The following NACC2 variants were observed in gnomAD, a reference collection of about 807,000 sequenced individuals.
NACC2 encodes nucleus accumbens-associated protein 2.
Under a neutral mutation model 25.1 loss-of-function variants are expected in NACC2, and 8 were observed. The ratio of observed to expected loss-of-function variants is 0.32; its 90% CI spans 0.19 to 0.57. NACC2 has a LOEUF of 0.57. Among genes scored for constraint, NACC2 ranks in the 20% least tolerant of loss-of-function variants. The probability of loss-of-function intolerance (pLI) is 0.89; values close to 1 mark genes in which losing one functional copy is unlikely to be tolerated. For missense variants in NACC2, 644 were observed against 650.2 expected (o/e 0.99, Z 0.10); for synonymous variants, 435 against 294.7 (o/e 1.48, Z -4.88).
chr9:136,028,454 G>A (rs1840428736), intron 2 of NACC2, among the ~76,000 whole-genome samples: 1 of 146,098 alleles, frequency 6.8e-6, no homozygotes, highest in African/African-American at 2.6e-5. Context: ...TCAGCTCACT[G>A]CAACTCTGCC....
chr9:136,015,391 C>T (rs538544890), intron 3 of NACC2, among the ~76,000 whole-genome samples: 3 of 152,344 alleles, frequency 2.0e-5, no homozygotes, highest in South Asian at 2.1e-4. Context: ...GCCCCTACCC[C>T]TCCTGGCCAG....
intron 1 of NACC2, among the ~76,000 whole-genome samples, chr9:136,053,143 GCCTGGTGGGAGGCAAGGCGACACAGC>G: frequency 6.6e-6 from 1 of 152,346 alleles, no homozygotes; most frequent in South Asian, 2.1e-4. Context: ...GCCCGAACAG[GCCTGGTGGGAGGCAAGGCGACACAGC>G]CCTGCCCCTC....
intron 2 of NACC2, among the ~76,000 whole-genome samples, chr9:136,042,048 G>A (rs1018362012): frequency 1.2e-4 from 19 of 152,248 alleles, no homozygotes; most frequent in African/African-American, 4.3e-4. Context: ...AGGCTGGAGT[G>A]CACGATCTTG....
chr9:136,064,167 T>C (rs1841052207), intron 1 of NACC2, among the ~76,000 whole-genome samples: 1 of 149,408 alleles, frequency 6.7e-6, no homozygotes, highest in African/African-American at 2.4e-5. Context: ...TGTGTACCTG[T>C]GGTCCCAGCT....
chr9:136,016,329 T>A lies in NACC2; in HGVS notation c.987A>T (p.Gly329=), dbSNP rs1219460662. The change falls in exon 3 of 6, where the codon GGA becomes GGT. Residue 329 remains glycine, a synonymous_variant. Coordinates refer to ENST00000277554, the MANE Select transcript of NACC2 (RefSeq NM_144653.5). ...ALPASLISQI[G]YRCHPKLYSE... ...AGTAGAGCTTGGGATGGCAGCGGTA[T>A]CCGATCTGGCTGATGAGGCTGGCAG... 3 of 1,612,558 alleles carry A rather than the reference T, an allele frequency of 1.9e-6. No individual in the cohort carries two copies. In the African/African-American group the frequency reaches 4.0e-5, roughly 22 times the overall value.
intron 5 of NACC2, 102 bp from the exon 6 acceptor site, chr9:136,012,126 C>G (rs925409017): frequency 2.9e-6 from 4 of 1,381,872 alleles, no homozygotes; most frequent in African/African-American, 1.5e-5. Context: ...CCTCCCCGGC[C>G]GCTCCTGGGG....
intron 1 of NACC2, among the ~76,000 whole-genome samples, chr9:136,064,154 T>C (rs764548786): frequency 5.9e-4 from 89 of 151,824 alleles, no homozygotes; most frequent in Non-Finnish European, 1.1e-3. Context: ...CTGGGCGTTG[T>C]GTTGTGTACC....
At chr9:136,051,407 G>A (rs1292389425) in intron 1 of NACC2, among the ~76,000 whole-genome samples, 6 of 152,180 alleles carry the variant, frequency 3.9e-5, no homozygotes, top group Non-Finnish European at 7.4e-5. Flanking sequence ...CCGACGGCCC[G>A]GCCCCAACCC....
chr9:136,078,930 G>T (rs1046312961), intron 1 of NACC2, among the ~76,000 whole-genome samples: 2 of 152,254 alleles, frequency 1.3e-5, no homozygotes, highest in African/African-American at 4.8e-5. Flanking sequence ...ATCCCCACGG[G>T]GAGCAGATGC....
chr9:136,070,600 T>C (rs1324261595), intron 1 of NACC2, among the ~76,000 whole-genome samples: 1 of 151,186 alleles, frequency 6.6e-6, no homozygotes, highest in Non-Finnish European at 1.5e-5. Context: ...ATTTATAGCA[T>C]TAATGGATGT....
chr9:136,074,989 G>T (rs1463841864), intron 1 of NACC2, among the ~76,000 whole-genome samples: 1 of 152,248 alleles, frequency 6.6e-6, no homozygotes, highest in Non-Finnish European at 1.5e-5. Context: ...TATGGGGCTG[G>T]GGGAACAGCA....
chr9:136,056,944 CG>C (rs1241437490), intron 1 of NACC2, among the ~76,000 whole-genome samples: 1 of 152,238 alleles, frequency 6.6e-6, no homozygotes, highest in Non-Finnish European at 1.5e-5. Flanking sequence ...CTCGGCCACC[CG>C]TGGGCAGGCC....
intron 2 of NACC2, among the ~76,000 whole-genome samples, chr9:136,017,247 A>G (rs753025661): frequency 2.4e-4 from 37 of 152,084 alleles, no homozygotes; most frequent in Non-Finnish European, 4.1e-4. Flanking sequence ...CGCGACCCCG[A>G]TGGCACCACG....
intron 2 of NACC2, among the ~76,000 whole-genome samples, chr9:136,036,884 G>A (rs1467593201): frequency 3.9e-5 from 6 of 152,124 alleles, no homozygotes; most frequent in African/African-American, 9.7e-5. Flanking sequence ...AAAAATGCAC[G>A]TGTTCAGAAA....
rs1165327538 is a variant in NACC2, at chr9:136,042,003, C to CT, written c.886+7632dup. ...CTACGATAATCCTTCAAAACAATTTCTTTTTTTTTGAGACAGAGTCTCACT... is the reference window on the plus strand; with the variant it reads ...CTACGATAATCCTTCAAAACAATTTCTTTTTTTTTTGAGACAGAGTCTCACT... On this transcript the variant is annotated intron_variant, in intron 2 of 5. Transcript: ENST00000277554. 2.4e-3 allele frequency among the ~76,000 whole-genome samples: 360 copies of CT among 151,476 alleles called. 9 individuals are homozygous for CT. The South Asian group carries it at 0.055, about 23-fold the overall frequency.
chr9:136,077,997 C>T (rs1830281196), intron 1 of NACC2, among the ~76,000 whole-genome samples: 1 of 152,218 alleles, frequency 6.6e-6, no homozygotes, highest in Admixed American at 6.5e-5. Flanking sequence ...TGGTCTCAAA[C>T]TCCTGACCTC....
intron 2 of NACC2, among the ~76,000 whole-genome samples, chr9:136,023,931 GCCC>G (rs554178932): frequency 3.0e-4 from 46 of 152,332 alleles, no homozygotes; most frequent in African/African-American, 1.0e-3. Flanking sequence ...ACACGTGCAT[GCCC>G]CCAACCACAC....
chr9:136,030,264 G>T (rs1328980365), intron 2 of NACC2, among the ~76,000 whole-genome samples: 1 of 152,126 alleles, frequency 6.6e-6, no homozygotes, highest in Non-Finnish European at 1.5e-5. Flanking sequence ...GGACAGATCT[G>T]CCATAGTCAG....
chr9:136,085,584 G>GT (rs987901469), intron 1 of NACC2, among the ~76,000 whole-genome samples: 1 of 152,146 alleles, frequency 6.6e-6, no homozygotes, highest in African/African-American at 2.4e-5. Context: ...ATCTGCTGGT[G>GT]TAAGGCCAGG....
Sources: allele counts gnomAD v4.1 joint callset (sites outside exome capture counted in the v4.1 genomes callset), GRCh38; gene constraint gnomAD v4.1.1; transcripts MANE v1.5; gene names NCBI Gene and HGNC (gene_info 2026-07-23, HGNC 2026-07-21).